Variants in CTH observed in about 807,000 individuals in gnomAD.
The protein encoded by CTH is cystathionine gamma-lyase.
A neutral mutation model predicts 50.6 loss-of-function variants in CTH; 41 were observed. The observed-to-expected ratio is 0.81, with a 90% CI of 0.63 to 1.05. The LOEUF is 1.05. CTH is among the 50% of genes least tolerant of loss of function. CTH has a pLI of 0.00. For synonymous variants in CTH, 156 were observed against 168.9 expected, an observed-to-expected ratio of 0.92 and a Z score of 0.59; for missense variants, 470 against 492.6, an observed-to-expected ratio of 0.95 and a Z score of 0.43.
chr1:70,433,260 A>T (rs1235228059), intron 8 of CTH, among the ~76,000 whole-genome samples: 1 of 152,208 alleles, frequency 6.6e-6, no homozygotes, highest in Non-Finnish European at 1.5e-5. Context: ...TATGAAACTA[A>T]ATGCCCTAAA....
At chr1:70,431,254 C>T (rs975564484) in intron 7 of CTH, 2 of 152,052 alleles carry the variant, frequency 1.3e-5, no homozygotes, top group African/African-American at 4.8e-5. Flanking sequence ...TTTTTATTTT[C>T]ATGTCCATCT....
chr1:70,426,624 A>G (rs190221811), intron 5 of CTH, among the ~76,000 whole-genome samples: 187 of 152,266 alleles, frequency 1.2e-3, no homozygotes, highest in African/African-American at 4.3e-3. Context: ...GCATTCAGAC[A>G]CCTTCGTGGG....
At chr1:70,435,916 A>G (rs1349064114) in intron 10 of CTH, among the ~76,000 whole-genome samples, 2 of 152,216 alleles carry the variant, frequency 1.3e-5, no homozygotes, top group East Asian at 1.9e-4. Flanking sequence ...CATCAGAAAC[A>G]GTGAGGGGAG....
At chr1:70,424,897 C>A (rs995341297) in intron 5 of CTH, among the ~76,000 whole-genome samples, 2 of 152,040 alleles carry the variant, frequency 1.3e-5, no homozygotes, top group Admixed American at 1.3e-4. Flanking sequence ...CCAGTGCACT[C>A]CAGCCTGGGT....
At position 70,421,600 on chromosome 1, in the gene CTH, A is replaced by G. The variant is rs886046511; in HGVS notation, c.381A>G (p.Glu127=). The G allele has an allele frequency of 3.7e-6, 6 of 1,613,920 alleles. No individual in the cohort carries two copies. Among genetic ancestry groups the G allele is most frequent in the Middle Eastern group, 1.7e-4 (1 of 6,058 alleles). ...GGTACTTCAGGCAAGTGGCATCTGA[A>G]TTTGGATTAAAGATTTCTTTTGTTG... The part of the protein sequence containing the change: ...TNRYFRQVAS[E]FGLKISFVDC... Residue 127 remains glutamate, a synonymous_variant, in exon 4 of 12, where the codon GAA becomes GAG. Transcript: ENST00000370938.
chr1:70,415,736 C>A (rs564376770), intron 1 of CTH, among the ~76,000 whole-genome samples: 2 of 152,292 alleles, frequency 1.3e-5, no homozygotes, highest in East Asian at 3.9e-4. Context: ...TAGTGTCATG[C>A]AGCTCATAAG....
intron 3 of CTH, among the ~76,000 whole-genome samples, chr1:70,420,811 T>C (rs1226113186): frequency 6.6e-6 from 1 of 152,178 alleles, no homozygotes; most frequent in East Asian, 1.9e-4. Context: ...CAAACATAGG[T>C]ATAAAATCCT....
Position 70,439,328 on chromosome 1 carries a change from C to A in CTH, c.*201C>A. The A allele has an allele frequency of 1.7e-6, 1 of 588,102 alleles. No homozygotes were observed. The highest frequency in any genetic ancestry group is 3.0e-6 in the Non-Finnish European group (1 of 331,460). 36.4% of individuals were successfully genotyped at this position (588,102 alleles called of 1,614,324 possible). A position where few individuals can be genotyped will look rare whatever the true frequency, so the allele number is the denominator to read the frequency against. On this transcript the variant is annotated 3_prime_UTR_variant, in exon 12 of 12. Transcript: ENST00000370938. ...GTCATGTTATAATTACAGGTCAATTCTGTTAATATCTTTTTGTTAATTTTG... is the reference window on the plus strand; with the variant it reads ...GTCATGTTATAATTACAGGTCAATTATGTTAATATCTTTTTGTTAATTTTG...
chr1:70,420,558 G>T (rs57628127), intron 3 of CTH, among the ~76,000 whole-genome samples: 11,541 of 152,080 alleles, frequency 0.076, 525 homozygotes, highest in East Asian at 0.17. Flanking sequence ...TTGCTTACCC[G>T]CTGCTCACCT....
chr1:70,427,667 A>G (rs1408841986), intron 5 of CTH, among the ~76,000 whole-genome samples: 1 of 152,106 alleles, frequency 6.6e-6, no homozygotes, highest in African/African-American at 2.4e-5. Context: ...ACACAGTTCT[A>G]TGTTTAGGAA....
chr1:70,420,558 G>A (rs57628127), intron 3 of CTH, among the ~76,000 whole-genome samples: 77 of 152,104 alleles, frequency 5.1e-4, no homozygotes, highest in Middle Eastern at 3.4e-3. Flanking sequence ...TTGCTTACCC[G>A]CTGCTCACCT....
chr1:70,424,331 A>G lies in CTH; in HGVS notation c.503A>G (p.Asp168Gly). Residue 168 changes from aspartate to glycine, a missense_variant, in exon 5 of 12, where the codon GAC becomes GGC. Coordinates refer to ENST00000370938, the MANE Select transcript of CTH (RefSeq NM_001902.6). Reference protein sequence around the residue: ...TPTNPTQKVIDIEGCAHIVHK... With the variant: ...TPTNPTQKVIGIEGCAHIVHK... ...ACAAACCCCACCCAGAAGGTGATTG[A>G]CATTGAAGGCTGTGCACATATTGTC... The G allele has an allele frequency of 3.1e-6, 5 of 1,614,164 alleles. No individual in the cohort carries two copies. The highest frequency in any genetic ancestry group is 4.2e-6 in the Non-Finnish European group (5 of 1,180,010).
At position 70,430,327 on chromosome 1, in the gene CTH, T is replaced by C; in HGVS notation, c.657T>C (p.Asp219=). Residue 219 remains aspartate (D), a synonymous_variant, in exon 7 of 12, where the codon GAT becomes GAC. Coordinates refer to ENST00000370938, the MANE Select transcript of CTH (RefSeq NM_001902.6). ...GTTTTTTGTTTTTAGGCCACAGTGA[T>C]GTTGTAATGGGCCTGGTGTCTGTTA... ...SATKYMNGHS[D]VVMGLVSVNC... The C allele has an allele frequency of 6.3e-7, 1 of 1,587,972 alleles. No homozygotes were observed. The highest frequency in any genetic ancestry group is 1.1e-5 in the South Asian group (1 of 90,468).
chr1:70,432,195 C>T lies in CTH; in HGVS notation c.837C>T (p.Phe279=). The change falls in exon 8 of 12, where the codon TTC becomes TTT. Residue 279 remains phenylalanine, a synonymous_variant. Transcript: ENST00000370938. The part of the protein sequence containing the change: ...HFKNGMAVAQ[F]LESNPWVEKV... ...AAAACGGAATGGCAGTTGCCCAGTT[C>T]CTGGAATCTAATCCTTGGGTAGAAA... The T allele has an allele frequency of 2.5e-6, 4 of 1,614,136 alleles. No homozygotes were observed. The highest frequency in any genetic ancestry group is 3.4e-6 in the Non-Finnish European group (4 of 1,180,028).
At position 70,430,306 on chromosome 1, in the gene CTH, T is replaced by G. The variant is rs1465965474; in HGVS notation, c.647-11T>G. The G allele has an allele frequency of 2.0e-6, 3 of 1,519,460 alleles. No individual in the cohort carries two copies. Among genetic ancestry groups the G allele is most frequent in the Admixed American group, 3.3e-5 (2 of 59,852 alleles). 94.1% of individuals were successfully genotyped at this position (1,519,460 alleles called of 1,614,324 possible). A position where few individuals can be genotyped will look rare whatever the true frequency, so the allele number is the denominator to read the frequency against. On this transcript the variant is annotated splice_polypyrimidine_tract_variant and intron_variant, in intron 6 of 11. Transcript: ENST00000370938. ...GAAATTTTTGTTTGTTTGTTTGTTT[T>G]TTGTTTTTAGGCCACAGTGATGTTG...
At position 70,438,778 on chromosome 1, in the gene CTH, G is replaced by A. The variant is rs1220416945; in HGVS notation, c.1143G>A (p.Glu381=). The A allele has an allele frequency of 3.7e-6, 6 of 1,614,034 alleles. No homozygotes were observed. Residue 381 remains glutamate, a synonymous_variant, in exon 11 of 12, where the codon GAG becomes GAA. Coordinates refer to ENST00000370938, the MANE Select transcript of CTH (RefSeq NM_001902.6). ...TGATTCGACTTTCTGTGGGCTTAGA[G>A]GATGAGGAAGACCTACTGGAAGATC... ...DTLIRLSVGL[E]DEEDLLEDLD... is the part of the protein sequence containing the mutation.
chr1:70,425,552 T>C (rs567718134), intron 5 of CTH, among the ~76,000 whole-genome samples: 18 of 152,296 alleles, frequency 1.2e-4, no homozygotes, highest in African/African-American at 4.1e-4. Context: ...CGAGACTGCG[T>C]AATTTATAAA....
intron 3 of CTH, among the ~76,000 whole-genome samples, chr1:70,421,081 A>G (rs1452073321): frequency 6.6e-6 from 1 of 152,186 alleles, no homozygotes; most frequent in Non-Finnish European, 1.5e-5. Flanking sequence ...AGTTTGATTT[A>G]TATTGTCTCA....
Position 70,411,543 on chromosome 1 carries a change from T to A in CTH, c.128T>A (p.Leu43Gln). The change falls in exon 1 of 12, where the codon CTG becomes CAG. Residue 43 changes from leucine (L) to glutamine (Q), a missense_variant. By Grantham distance (113) the Leu-to-Gln change is moderately radical. Transcript: ENST00000370938. ...AGGGCTGTAGTGCCCCCCATCTCAC[T>A]GTCCACCACGTTCAAGCAAGGGGCG... is the stretch of plus-strand genomic sequence containing the variant. ...TSRAVVPPIS[L>Q]STTFKQGAPG... 1 of 1,614,160 alleles carries A rather than the reference T, an allele frequency of 6.2e-7. No individual in the cohort carries two copies. The highest frequency in any genetic ancestry group is 8.5e-7 in the Non-Finnish European group (1 of 1,180,028).
Sources: gnomAD v4.1 joint callset for allele counts (sites outside exome capture counted in the v4.1 genomes callset) on GRCh38, gnomAD v4.1.1 for gene constraint, MANE v1.5 for transcripts, NCBI Gene and HGNC (gene_info 2026-07-23, HGNC 2026-07-21) for gene names.